Variants in ATRNL1 observed in about 807,000 individuals in gnomAD.
ATRNL1 encodes the protein attractin like 1, also known as attractin-like protein 1.
Under a neutral mutation model 182.7 loss-of-function variants are expected in ATRNL1, and 95 were observed. The observed-to-expected ratio is 0.52, with a 90% CI of 0.44 to 0.62. The LOEUF is 0.62. ATRNL1 is among the 20% of genes least tolerant of loss of function. ATRNL1 has a pLI of 0.00. For missense variants in ATRNL1, 1,471 were observed against 1,679.5 expected, an observed-to-expected ratio of 0.88 and a Z score of 2.17; for synonymous variants, 576 against 568.3, an observed-to-expected ratio of 1.01 and a Z score of -0.19.
chr10:115,118,079 A>G (rs924460903), intron 1 of ATRNL1, among the ~76,000 whole-genome samples: 14 of 151,982 alleles, frequency 9.2e-5, no homozygotes, highest in Non-Finnish European at 1.8e-4. Flanking sequence ...GAGTTGTTTG[A>G]GCACTGTATA....
At chr10:115,596,008 A>G (rs1856217159) in intron 26 of ATRNL1, among the ~76,000 whole-genome samples, 1 of 152,202 alleles carries the variant, frequency 6.6e-6, no homozygotes, top group Non-Finnish European at 1.5e-5. Flanking sequence ...TGTAACTAGA[A>G]AACAGGTATG....
At chr10:115,644,094 G>T (rs1420740696) in intron 26 of ATRNL1, among the ~76,000 whole-genome samples, 2 of 152,068 alleles carry the variant, frequency 1.3e-5, no homozygotes, top group Non-Finnish European at 2.9e-5. Context: ...TATAAACAAA[G>T]TGTAGTATGT....
intron 27 of ATRNL1, among the ~76,000 whole-genome samples, chr10:115,781,261 C>A (rs1326563185): frequency 6.6e-6 from 1 of 152,158 alleles, no homozygotes; most frequent in Non-Finnish European, 1.5e-5. Context: ...TCGGGAATAT[C>A]CATTGCTACA....
At chr10:115,387,458 T>C (rs1446254174) in intron 19 of ATRNL1, among the ~76,000 whole-genome samples, 1 of 152,220 alleles carries the variant, frequency 6.6e-6, no homozygotes, top group African/African-American at 2.4e-5. Context: ...TGTTTTCTAT[T>C]GAGGTACAAT....
intron 26 of ATRNL1, among the ~76,000 whole-genome samples, chr10:115,638,405 A>G (rs1859030565): frequency 6.6e-6 from 1 of 152,162 alleles, no homozygotes; most frequent in Non-Finnish European, 1.5e-5. Flanking sequence ...ACATGGCTAT[A>G]TTAATATGTA....
At chr10:115,684,181 G>A in intron 26 of ATRNL1, among the ~76,000 whole-genome samples, 1 of 151,258 alleles carries the variant, frequency 6.6e-6, no homozygotes, top group Non-Finnish European at 1.5e-5. Flanking sequence ...TCATTAGCAA[G>A]GGCTTATAAT....
intron 21 of ATRNL1, among the ~76,000 whole-genome samples, chr10:115,431,931 C>T (rs1459156400): frequency 6.6e-6 from 1 of 151,970 alleles, no homozygotes; most frequent in Non-Finnish European, 1.5e-5. Flanking sequence ...ATTATGAACA[C>T]ATTATGTAAT....
intron 27 of ATRNL1, among the ~76,000 whole-genome samples, chr10:115,837,984 A>T (rs1055119449): frequency 1.3e-5 from 2 of 152,192 alleles, no homozygotes; most frequent in Non-Finnish European, 2.9e-5. Flanking sequence ...TTAAACAACT[A>T]CTTTTTGCCA....
At chr10:115,470,970 G>T (rs1166456365) in intron 24 of ATRNL1, among the ~76,000 whole-genome samples, 1 of 150,358 alleles carries the variant, frequency 6.7e-6, no homozygotes, top group Non-Finnish European at 1.5e-5. Flanking sequence ...TTAAATACTG[G>T]CAGCCATCAT....
At chr10:115,094,185 C>A in intron 1 of ATRNL1, 142 bp downstream of exon 1, 6 of 929,262 alleles carry the variant, frequency 6.5e-6, no homozygotes, top group Non-Finnish European at 5.7e-6. Flanking sequence ...GCGGCGGGAG[C>A]GGGCGAGAGT....
At chr10:115,337,094 CT>C (rs1423528575) in intron 19 of ATRNL1, among the ~76,000 whole-genome samples, 3 of 151,650 alleles carry the variant, frequency 2.0e-5, no homozygotes, top group Non-Finnish European at 4.4e-5. Context: ...AACTCCTGAC[CT>C]CGTGATCTGT....
chr10:115,921,813 A>G (rs1486112862), intron 28 of ATRNL1, among the ~76,000 whole-genome samples: 2 of 152,326 alleles, frequency 1.3e-5, no homozygotes, highest in Admixed American at 6.5e-5. Context: ...TTTACATGGG[A>G]TTATCCCAAT....
intron 26 of ATRNL1, among the ~76,000 whole-genome samples, chr10:115,637,172 C>A (rs557798222): frequency 6.6e-6 from 1 of 152,102 alleles, no homozygotes; most frequent in Admixed American, 6.6e-5. Context: ...ATTAACTGAC[C>A]ATATCACCGT....
chr10:115,205,071 T>G (rs899573813), intron 8 of ATRNL1, among the ~76,000 whole-genome samples: 20 of 152,100 alleles, frequency 1.3e-4, no homozygotes, highest in African/African-American at 4.8e-4. Flanking sequence ...GTTTTTGGTG[T>G]GACGATTTAT....
In ATRNL1 at chr10:115,272,753, A is replaced by C. The variant is rs556476805; in HGVS notation, c.2100+4309A>C. On this transcript the variant is annotated intron_variant, in intron 13 of 28. Coordinates refer to ENST00000355044, the MANE Select transcript of ATRNL1 (RefSeq NM_207303.4). The stretch of plus-strand genomic sequence containing the variant: ...GTATTACTACGTAGCTGGCACTGTA[A>C]CTGAATCATCAAAAGCCCATTCCAC... Among the ~76,000 whole-genome samples the C allele has an allele frequency of 6.9e-4, 105 of 152,260 alleles. 2 individuals carry two copies. In the South Asian group the frequency reaches 0.021, roughly 31 times the overall value.
chr10:115,881,302 G>A (rs1352939152), intron 28 of ATRNL1, among the ~76,000 whole-genome samples: 2 of 152,170 alleles, frequency 1.3e-5, no homozygotes, highest in African/African-American at 4.8e-5. Context: ...GCACAGAGTG[G>A]AATCTGCATT....
At chr10:115,722,164 T>G (rs111878340) in intron 26 of ATRNL1, among the ~76,000 whole-genome samples, 1,752 of 151,514 alleles carry the variant, frequency 0.012, 31 homozygotes, top group African/African-American at 0.041. Flanking sequence ...TGAATACTTG[T>G]CAGTGTTAGA....
chr10:115,223,019 C>G (rs958753226), intron 9 of ATRNL1, among the ~76,000 whole-genome samples: 7 of 152,152 alleles, frequency 4.6e-5, no homozygotes, highest in Non-Finnish European at 1.0e-4. Flanking sequence ...GTGGCTTATG[C>G]CTGTAATCCT....
At chr10:115,146,130 A>G (rs1485229346) in intron 5 of ATRNL1, among the ~76,000 whole-genome samples, 1 of 152,148 alleles carries the variant, frequency 6.6e-6, no homozygotes, top group Admixed American at 6.5e-5. Context: ...AGAGTTAGCA[A>G]TATTTATTTA....
Sources: gnomAD v4.1 joint callset for allele counts (sites outside exome capture counted in the v4.1 genomes callset) on GRCh38, gnomAD v4.1.1 for gene constraint, MANE v1.5 for transcripts, NCBI Gene and HGNC (gene_info 2026-07-23, HGNC 2026-07-21) for gene names.